The following PXDNL variants were observed in gnomAD, a reference collection of about 807,000 sequenced individuals.
The protein encoded by PXDNL is probable oxidoreductase PXDNL.
In PXDNL, 145 loss-of-function variants were observed where a neutral mutation model predicts 150.8. That is an observed-to-expected ratio of 0.96 (90% CI 0.84 to 1.10). PXDNL has a LOEUF of 1.10. Among genes scored for constraint, PXDNL ranks in the 50% least tolerant of loss-of-function variants. The probability of loss-of-function intolerance (pLI) is 0.00; values close to 1 mark genes in which losing one functional copy is unlikely to be tolerated. For missense variants in PXDNL, 2,087 were observed against 1,873.9 expected, an observed-to-expected ratio of 1.11 and a Z score of -2.10; for synonymous variants, 757 against 725.7, an observed-to-expected ratio of 1.04 and a Z score of -0.69.
chr8:51,483,973 T>C (rs1810663617), intron 5 of PXDNL, among the ~76,000 whole-genome samples: 1 of 152,050 alleles, frequency 6.6e-6, no homozygotes, highest in African/African-American at 2.4e-5. Flanking sequence ...AGATTACAAA[T>C]GCTAAAGAGA....
chr8:51,562,234 T>TTGTGCTATCTTTTTTTA (rs1457320343), intron 3 of PXDNL, among the ~76,000 whole-genome samples: 1 of 151,862 alleles, frequency 6.6e-6, no homozygotes, highest in African/African-American at 2.4e-5. Context: ...ATTTTATATT[T>TTGTGCTATCTTTTTTTA]TGTGCTATCT....
chr8:51,452,262 A>G (rs1224060631), intron 10 of PXDNL, among the ~76,000 whole-genome samples: 4 of 152,232 alleles, frequency 2.6e-5, no homozygotes, highest in Non-Finnish European at 5.9e-5. Flanking sequence ...TTTCAATCTC[A>G]ACATATTAAA....
chr8:51,750,149 AC>A (rs1365567809), intron 1 of PXDNL, among the ~76,000 whole-genome samples: 2 of 152,196 alleles, frequency 1.3e-5, no homozygotes, highest in Non-Finnish European at 2.9e-5. Context: ...GTACAGCTGT[AC>A]AAAAAAATTT....
chr8:51,601,535 T>G (rs577239551), intron 2 of PXDNL, among the ~76,000 whole-genome samples: 1 of 152,162 alleles, frequency 6.6e-6, no homozygotes, highest in African/African-American at 2.4e-5. Flanking sequence ...GATATAAGAA[T>G]AGCAACTCCT....
At chr8:51,556,435 A>G (rs6989600) in intron 4 of PXDNL, among the ~76,000 whole-genome samples, 42,486 of 152,044 alleles carry the variant, frequency 0.28, 7,518 homozygotes, top group African/African-American at 0.49. Flanking sequence ...AATTATAGTC[A>G]CAGCTATAAA....
At chr8:51,332,483 T>G (rs574747025) in intron 21 of PXDNL, among the ~76,000 whole-genome samples, 10 of 151,846 alleles carry the variant, frequency 6.6e-5, no homozygotes, top group Admixed American at 1.3e-4. Context: ...AAGAAATCCC[T>G]GACTTACGAG....
chr8:51,339,925 G>A (rs969098766), intron 20 of PXDNL, 172 bp from the exon 21 acceptor site: 13 of 535,274 alleles, frequency 2.4e-5, no homozygotes, highest in Admixed American at 1.5e-4. Flanking sequence ...AAAATTAAAT[G>A]GCAGATAAGA....
chr8:51,641,724 G>T (rs1222424529), intron 2 of PXDNL, among the ~76,000 whole-genome samples: 1 of 152,096 alleles, frequency 6.6e-6, no homozygotes, highest in East Asian at 1.9e-4. Flanking sequence ...TGGAGAGGAT[G>T]TGGAGAAATA....
chr8:51,786,508 C>T (rs1489631660), intron 1 of PXDNL, among the ~76,000 whole-genome samples: 7 of 152,166 alleles, frequency 4.6e-5, no homozygotes, highest in Non-Finnish European at 7.3e-5. Context: ...GATGACAACC[C>T]TTCCTCACTC....
At chr8:51,345,452 T>C (rs1486815745) in intron 20 of PXDNL, among the ~76,000 whole-genome samples, 2 of 152,202 alleles carry the variant, frequency 1.3e-5, no homozygotes, top group Non-Finnish European at 2.9e-5. Context: ...TGAATTCAAA[T>C]CAACTTAACA....
At chr8:51,739,170 A>G (rs947990744) in intron 1 of PXDNL, among the ~76,000 whole-genome samples, 1 of 152,120 alleles carries the variant, frequency 6.6e-6, no homozygotes, top group African/African-American at 2.4e-5. Context: ...TTTACACAGA[A>G]AAAGCACTTG....
In PXDNL at chr8:51,648,193, T is replaced by C. The variant is rs1352185019; in HGVS notation, c.236+6496A>G. Among the ~76,000 whole-genome samples, 3 of 152,370 alleles carry C rather than the reference T, an allele frequency of 2.0e-5. No individual in the cohort carries two copies. In the East Asian group the frequency reaches 5.8e-4, roughly 29 times the overall value. On this transcript the variant is annotated intron_variant, in intron 2 of 22. Transcript: ENST00000356297. ...ACTAATGATAATAAACTTTTACCTT[T>C]CTGTAGTAGGCTGAATAATGGCCAC...
chr8:51,343,021 C>T (rs1806035316), intron 20 of PXDNL, among the ~76,000 whole-genome samples: 1 of 151,816 alleles, frequency 6.6e-6, no homozygotes. Context: ...GCAACGAGCC[C>T]AGGTAGGAAG....
At chr8:51,744,051 AAGGAAGGAAGGAAG>A (rs2036939236) in intron 1 of PXDNL, among the ~76,000 whole-genome samples, 1 of 49,324 alleles carries the variant, frequency 2.0e-5, no homozygotes, top group Admixed American at 1.8e-4. Context: ...GGAAGGAAGG[AAGGAAGGAAGGAAG>A]GAAGGAAGGA....
At chr8:51,626,466 C>T (rs867236593) in intron 2 of PXDNL, among the ~76,000 whole-genome samples, 5 of 152,106 alleles carry the variant, frequency 3.3e-5, no homozygotes, top group Middle Eastern at 3.4e-3. Context: ...TGCAGAGGGC[C>T]CCTTCTTTCT....
chr8:51,389,170 G>A (rs1807817287), intron 17 of PXDNL, among the ~76,000 whole-genome samples: 1 of 152,144 alleles, frequency 6.6e-6, no homozygotes, highest in African/African-American at 2.4e-5. Context: ...GTGATTGTCT[G>A]TATGCACCAG....
chr8:51,597,665 G>T (rs1261025705), intron 2 of PXDNL, among the ~76,000 whole-genome samples: 1 of 149,942 alleles, frequency 6.7e-6, no homozygotes, highest in African/African-American at 2.4e-5. Flanking sequence ...GTGTGTGTGT[G>T]TGTGTGTTTA....
chr8:51,494,534 C>A (rs1391913727), intron 5 of PXDNL, among the ~76,000 whole-genome samples: 1 of 152,040 alleles, frequency 6.6e-6, no homozygotes, highest in Non-Finnish European at 1.5e-5. Flanking sequence ...TTAGCAAACC[C>A]ATCTCACGTG....
intron 1 of PXDNL, among the ~76,000 whole-genome samples, chr8:51,759,149 T>C (rs2037134808): frequency 6.6e-6 from 1 of 152,120 alleles, no homozygotes; most frequent in Admixed American, 6.5e-5. Context: ...GCCCCCGCAT[T>C]GGTTGAAGAA....
Sources: allele counts gnomAD v4.1 joint callset (sites outside exome capture counted in the v4.1 genomes callset), GRCh38; gene constraint gnomAD v4.1.1; transcripts MANE v1.5; gene names NCBI Gene and HGNC (gene_info 2026-07-23, HGNC 2026-07-21).